PIM3: variants seen among roughly 807,000 people sequenced by gnomAD.
The protein encoded by PIM3 is Pim-3 proto-oncogene, serine/threonine kinase, also known as serine/threonine-protein kinase pim-3.
In PIM3, 13 loss-of-function variants were observed where a neutral mutation model predicts 27.5. The ratio of observed to expected loss-of-function variants is 0.47; its 90% confidence interval spans 0.31 to 0.75. PIM3 has a LOEUF of 0.75. PIM3 is among the 30% of genes least tolerant of loss of function. The pLI, the probability that PIM3 is intolerant of heterozygous loss-of-function variation, is 0.05. For synonymous variants in PIM3, 341 were observed against 221.1 expected, an observed-to-expected ratio of 1.54 and a Z score of -4.81; for missense variants, 482 against 476.9, an observed-to-expected ratio of 1.01 and a Z score of -0.10.
Position 49,961,829 on chromosome 22 carries a change from G to A in PIM3, c.616+18G>A, listed in dbSNP as rs745683128. On this transcript the variant is annotated intron_variant, in intron 4 of 5. Coordinates refer to ENST00000360612, the MANE Select transcript of PIM3 (RefSeq NM_001001852.4). ...CTTCGACGGTGAGCGCGGGCGCGGG[G>A]CAGGGAACGTTCCGGGGGCCTTGCC... 6.2e-7 allele frequency: 1 copy of A among 1,610,462 alleles called. No homozygotes were observed. The highest frequency in any genetic ancestry group is 2.2e-5 in the East Asian group (1 of 44,744).
intron 4 of PIM3, 137 bp from the exon 5 acceptor site, chr22:49,962,552 G>C (rs2060914084): frequency 9.7e-7 from 1 of 1,035,006 alleles, no homozygotes; most frequent in South Asian, 1.7e-5. Context: ...GGTTTTTCCA[G>C]GGTGATGACG....
At position 49,960,826 on chromosome 22, in the gene PIM3, C is replaced by T; in HGVS notation, c.-122C>T. ...ACGCGGTCCCCGCGGGCCTTCCGGG[C>T]CCACTGCGCCGCGCGGACCGCCTCG... On this transcript the variant is annotated 5_prime_UTR_variant, in exon 1 of 6. Coordinates refer to ENST00000360612, the MANE Select transcript of PIM3 (RefSeq NM_001001852.4). 2 of 579,322 alleles carry T rather than the reference C, an allele frequency of 3.5e-6. No individual in the cohort carries two copies. Among genetic ancestry groups the T allele is most frequent in the Non-Finnish European group, 4.5e-6 (2 of 443,824 alleles). The allele number at this position is 579,322 out of a possible 1,614,324, so 35.9% of individuals were successfully genotyped here. A position where few individuals can be genotyped will look rare whatever the true frequency, so the allele number is the denominator to read the frequency against.
rs1224679771 is a variant in PIM3 at position 49,963,380 on chromosome 22, C to T, written c.*253C>T. 5.2e-5 allele frequency: 24 copies of T among 465,678 alleles called. No homozygotes were observed. The highest frequency in any genetic ancestry group is 7.3e-5 in the Non-Finnish European group (19 of 259,964). The allele number at this position is 465,678 out of a possible 1,614,324, so 28.8% of individuals were successfully genotyped here. On this transcript the variant is annotated 3_prime_UTR_variant, in exon 6 of 6. Coordinates refer to ENST00000360612, the MANE Select transcript of PIM3 (RefSeq NM_001001852.4). ...GGGTGGATACTTGAACCCCAGACGC[C>T]CCTCTGTGCTGCTGTGTCCGGAGGC...
Position 49,962,729 on chromosome 22 carries a change from C to T in PIM3, c.657C>T (p.His219=), listed in dbSNP as rs200797950. The T allele has an allele frequency of 5.3e-5, 86 of 1,612,558 alleles. No homozygotes were observed. Among genetic ancestry groups the T allele is most frequent in the Non-Finnish European group, 6.9e-5 (82 of 1,179,908 alleles). Residue 219 remains histidine (H), a synonymous_variant, in exon 5 of 6, where the codon CAC becomes CAT. Coordinates refer to ENST00000360612, the MANE Select transcript of PIM3 (RefSeq NM_001001852.4). ...VYSPPEWIRY[H]RYHGRSATVW... ...GCCCCCCGGAGTGGATCCGCTACCA[C>T]CGCTACCACGGGCGCTCGGCCACCG... is the stretch of plus-strand genomic sequence containing the variant.
Position 49,960,847 on chromosome 22 carries a change from C to A in PIM3, c.-101C>A. The stretch of plus-strand genomic sequence containing the variant: ...CGGGCCCACTGCGCCGCGCGGACCG[C>A]CTCGGGCTCGGACGGCCGGTGTCCC... On this transcript the variant is annotated 5_prime_UTR_variant, in exon 1 of 6. Coordinates refer to ENST00000360612, the MANE Select transcript of PIM3 (RefSeq NM_001001852.4). The A allele has an allele frequency of 1.1e-6, 1 of 891,832 alleles. No homozygotes were observed. The highest frequency in any genetic ancestry group is 1.4e-6 in the Non-Finnish European group (1 of 722,358). The allele number at this position is 891,832 out of a possible 1,614,324, so 55.2% of individuals were successfully genotyped here.
rs887446561 is a variant in PIM3 at position 49,960,889 on chromosome 22, C to G, written c.-59C>G. 2.2e-5 allele frequency: 25 copies of G among 1,153,128 alleles called. No individual in the cohort carries two copies. In the South Asian group the frequency reaches 5.3e-4, roughly 25 times the overall value. 71.4% of individuals were successfully genotyped at this position (1,153,128 alleles called of 1,614,324 possible). A position where few individuals can be genotyped will look rare whatever the true frequency, so the allele number is the denominator to read the frequency against. On this transcript the variant is annotated 5_prime_UTR_variant, in exon 1 of 6. Transcript: ENST00000360612. ...CGGTGTCCCCGGCGCGCCGCTCGCC[C>G]GGATCGGCCGCGGCTTCGGCGCCTG...
Position 49,961,657 on chromosome 22 carries a change from G to T in PIM3, c.462G>T (p.Val154=), listed in dbSNP as rs2060908132. The T allele has an allele frequency of 1.3e-6, 2 of 1,578,258 alleles. No homozygotes were observed. The highest frequency in any genetic ancestry group is 1.7e-6 in the Non-Finnish European group (2 of 1,163,054). The change falls in exon 4 of 6, where the codon GTG becomes GTT. Residue 154 remains valine (V), a synonymous_variant. Coordinates refer to ENST00000360612, the MANE Select transcript of PIM3 (RefSeq NM_001001852.4). ...TGGCGCGCCGCTTCTTCGCGCAGGT[G>T]CTGGCCGCCGTGCGCCACTGCCACA... is the stretch of plus-strand genomic sequence containing the variant. ...EPLARRFFAQ[V]LAAVRHCHSC... is the part of the protein sequence containing the mutation.
chr22:49,961,884 T>G, intron 4 of PIM3, 73 bp downstream of exon 4: 1 of 1,573,212 alleles, frequency 6.4e-7, no homozygotes, highest in Non-Finnish European at 8.6e-7. Context: ...GGGCGGCACA[T>G]GGAGGGGCTG....
Position 49,961,610 on chromosome 22 carries a change from C to T in PIM3, c.415C>T (p.Arg139Cys). The change falls in exon 4 of 6, where the codon CGC (arginine) becomes TGC (cysteine). Residue 139 changes from arginine (R) to cysteine (C), a missense_variant. By Grantham distance (180) the Arg-to-Cys change is radical. Coordinates refer to ENST00000360612, the MANE Select transcript of PIM3 (RefSeq NM_001001852.4). ...AQDLFDFITE[R>C]GALDEPLARR... ...GGACCTCTTCGACTTTATCACGGAGCGCGGCGCCCTGGACGAGCCGCTGGC... is the reference window on the plus strand; with the variant it reads ...GGACCTCTTCGACTTTATCACGGAGTGCGGCGCCCTGGACGAGCCGCTGGC... 1 of 1,550,036 alleles carries T rather than the reference C, an allele frequency of 6.5e-7. No individual in the cohort carries two copies. Among genetic ancestry groups the T allele is most frequent in the Non-Finnish European group, 8.7e-7 (1 of 1,147,790 alleles).
chr22:49,961,607 G>A lies in PIM3; in HGVS notation c.412G>A (p.Glu138Lys), dbSNP rs1043931483. The change falls in exon 4 of 6, where the codon GAG (glutamate) becomes AAG (lysine). Residue 138 changes from glutamate (E) to lysine (K), a missense_variant. Glu to Lys is a moderately conservative substitution (Grantham distance 56, BLOSUM62 1). Coordinates refer to ENST00000360612, the MANE Select transcript of PIM3 (RefSeq NM_001001852.4). ...PAQDLFDFITERGALDEPLAR... is the reference protein window; with the variant it reads ...PAQDLFDFITKRGALDEPLAR... ...GCAGGACCTCTTCGACTTTATCACG[G>A]AGCGCGGCGCCCTGGACGAGCCGCT... The A allele has an allele frequency of 2.6e-6, 4 of 1,549,984 alleles. No individual in the cohort carries two copies. The East Asian group carries it at 7.3e-5, about 28-fold the overall frequency.
Position 49,963,173 on chromosome 22 carries a change from G to A in PIM3, c.*46G>A, listed in dbSNP as rs768853040. On this transcript the variant is annotated 3_prime_UTR_variant, in exon 6 of 6. Transcript: ENST00000360612. ...GCTAGGGGACCACCTGCCTTGGCCA[G>A]ACCTGGGACGCCCCCAGACCCTGAC... The A allele has an allele frequency of 3.4e-6, 5 of 1,486,302 alleles. No homozygotes were observed. Among genetic ancestry groups the A allele is most frequent in the Admixed American group, 4.6e-5 (2 of 43,756 alleles). The allele number at this position is 1,486,302 out of a possible 1,614,324, so 92.1% of individuals were successfully genotyped here. A position where few individuals can be genotyped will look rare whatever the true frequency, so the allele number is the denominator to read the frequency against.
Position 49,960,775 on chromosome 22 carries a change from T to G in PIM3, c.-173T>G, listed in dbSNP as rs938036188. The G allele has an allele frequency of 8.9e-6, 2 of 224,124 alleles. No homozygotes were observed. Among genetic ancestry groups the G allele is most frequent in the Non-Finnish European group, 1.5e-5 (2 of 131,020 alleles). The allele number at this position is 224,124 out of a possible 1,614,324, so 13.9% of individuals were successfully genotyped here. A position where few individuals can be genotyped will look rare whatever the true frequency, so the allele number is the denominator to read the frequency against. ...CCCCGGGCGAGGCGGCCGGGGCGGG[T>G]GAGGCGCTCCGCCTGCTGCGCGTCT... On this transcript the variant is annotated 5_prime_UTR_variant, in exon 1 of 6. Coordinates refer to ENST00000360612, the MANE Select transcript of PIM3 (RefSeq NM_001001852.4).
At chr22:49,961,922 G>A (rs764277683) in intron 4 of PIM3, 111 bp downstream of exon 4, 19 of 1,476,524 alleles carry the variant, frequency 1.3e-5, no homozygotes, top group Middle Eastern at 4.7e-4. Context: ...GCGCGCCCTG[G>A]GTCTGCTCTC....
chr22:49,962,539 C>CG (rs2060913998), intron 4 of PIM3, 150 bp from the exon 5 acceptor site: 1 of 904,440 alleles, frequency 1.1e-6, no homozygotes. Flanking sequence ...CATCGCCTGC[C>CG]GGGGTTTTTC....
intron 5 of PIM3, 37 bp downstream of exon 5, chr22:49,962,902 C>T: frequency 6.3e-7 from 1 of 1,598,884 alleles, no homozygotes; most frequent in Non-Finnish European, 8.5e-7. Flanking sequence ...GGGGCCTCGC[C>T]CTGCTTGGGC....
chr22:49,961,904 G>T (rs1444552248), intron 4 of PIM3, 93 bp downstream of exon 4: 1 of 1,529,710 alleles, frequency 6.5e-7, no homozygotes, highest in Non-Finnish European at 8.8e-7. Context: ...GATGACTGTT[G>T]GGCGGCCGCG....
Position 49,963,014 on chromosome 22 carries a change from C to T in PIM3, c.868C>T (p.His290Tyr). ...GCCGTCGCTGGATCAGATTGCGGCC[C>T]ATCCCTGGATGCTGGGGGCTGACGG... ...ERPSLDQIAA[H>Y]PWMLGADGGV... Residue 290 changes from histidine to tyrosine, a missense_variant, in exon 6 of 6, where the codon CAT (histidine) becomes TAT (tyrosine). His to Tyr is a moderately conservative substitution (Grantham distance 83, BLOSUM62 2). Transcript: ENST00000360612. 6.2e-7 allele frequency: 1 copy of T among 1,612,096 alleles called. No homozygotes were observed. The highest frequency in any genetic ancestry group is 8.5e-7 in the Non-Finnish European group (1 of 1,179,800).
At position 49,961,810 on chromosome 22, in the gene PIM3, C is replaced by G. The variant is rs1385456172; in HGVS notation, c.615C>G (p.Asp205Glu). Residue 205 changes from aspartate to glutamate, a missense_variant and splice_region_variant, in exon 4 of 6, where the codon GAC (aspartate) becomes GAG (glutamate). Physicochemically the swap from Asp to Glu is conservative, Grantham distance 45 (BLOSUM62 2). Transcript: ENST00000360612. ...AGGACACGGTCTACACCGACTTCGACGGTGAGCGCGGGCGCGGGGCAGGGA... is the reference window on the plus strand; with the variant it reads ...AGGACACGGTCTACACCGACTTCGAGGGTGAGCGCGGGCGCGGGGCAGGGA... Reference protein sequence around the residue: ...LLKDTVYTDFDGTRVYSPPEW... With the variant: ...LLKDTVYTDFEGTRVYSPPEW... 1 of 1,607,484 alleles carries G rather than the reference C, an allele frequency of 6.2e-7. No individual in the cohort carries two copies. Among genetic ancestry groups the G allele is most frequent in the Admixed American group, 1.7e-5 (1 of 59,630 alleles).
In PIM3 at chr22:49,962,048, G is replaced by C. The variant is rs1467856901; in HGVS notation, c.616+237G>C. The stretch of plus-strand genomic sequence containing the variant: ...CAATATTGCTTCCTCCATCGCGTTG[G>C]GGGGTACGGGGCCTCTTGCCCCGGT... On this transcript the variant is annotated intron_variant, in intron 4 of 5. Coordinates refer to ENST00000360612, the MANE Select transcript of PIM3 (RefSeq NM_001001852.4). 6.6e-5 allele frequency among the ~76,000 whole-genome samples: 10 copies of C among 152,128 alleles called. 1 individual carries two copies. The highest frequency in any genetic ancestry group is 5.2e-4 in the Admixed American group (8 of 15,286).
Sources: gnomAD v4.1 joint callset for allele counts (sites outside exome capture counted in the v4.1 genomes callset) on GRCh38, gnomAD v4.1.1 for gene constraint, MANE v1.5 for transcripts, NCBI Gene and HGNC (gene_info 2026-07-23, HGNC 2026-07-21) for gene names.